The following TMPRSS15 variants were observed in gnomAD, a reference collection of about 807,000 sequenced individuals.
TMPRSS15 encodes enteropeptidase.
In TMPRSS15, 128 loss-of-function variants were observed where a neutral mutation model predicts 125.3. That is an observed-to-expected ratio of 1.02 (90% CI 0.89 to 1.18). The LOEUF (loss-of-function observed/expected upper bound fraction) is 1.18, where lower values mean the gene tolerates loss of function less well. TMPRSS15 is among the 50% of genes most tolerant of loss of function. The pLI is 0.00. For synonymous variants in TMPRSS15, 446 were observed against 423.2 expected (o/e 1.05, Z -0.66); for missense variants, 1,283 against 1,212.7 (o/e 1.06, Z -0.86).
At chr21:18,457,748 G>A (rs1978470082) in intron 1 of TMPRSS15, among the ~76,000 whole-genome samples, 1 of 152,052 alleles carries the variant, frequency 6.6e-6, no homozygotes, top group African/African-American at 2.4e-5. Flanking sequence ...CTACTTCTAG[G>A]GGATATTTGT....
At chr21:18,406,790 A>G (rs2076152994), upstream of TMPRSS15, among the ~76,000 whole-genome samples, 1 of 152,168 alleles carries the variant, frequency 6.6e-6, no homozygotes, top group Non-Finnish European at 1.5e-5. Flanking sequence ...TTCTCTTTCC[A>G]GTTAAATCTG....
At chr21:18,370,618 A>G (rs1601403606) in intron 6 of TMPRSS15, among the ~76,000 whole-genome samples, 1 of 152,296 alleles carries the variant, frequency 6.6e-6, no homozygotes, top group East Asian at 1.9e-4. Flanking sequence ...AAAATAGATT[A>G]AAAATATTCC....
chr21:18,278,060 G>C (rs935967571), intron 23 of TMPRSS15, among the ~76,000 whole-genome samples: 4 of 152,214 alleles, frequency 2.6e-5, no homozygotes, highest in Non-Finnish European at 5.9e-5. Flanking sequence ...TACAATGTAA[G>C]ATTCATGTCA....
chr21:18,326,672 A>T (rs935596622), intron 15 of TMPRSS15, 100 bp from the exon 16 acceptor site: 5 of 1,385,420 alleles, frequency 3.6e-6, no homozygotes, highest in Non-Finnish European at 5.1e-6. Context: ...GTAGGGCTAC[A>T]TGTTACATGG....
At chr21:18,358,892 C>G (rs921591017) in intron 8 of TMPRSS15, among the ~76,000 whole-genome samples, 1 of 151,972 alleles carries the variant, frequency 6.6e-6, no homozygotes, top group African/African-American at 2.4e-5. Flanking sequence ...ATAGGATTCA[C>G]TTTTCATTAC....
intron 10 of TMPRSS15, among the ~76,000 whole-genome samples, chr21:18,352,407 C>A (rs1345582388): frequency 6.6e-6 from 1 of 152,036 alleles, no homozygotes; most frequent in Non-Finnish European, 1.5e-5. Context: ...ATTATGCAAT[C>A]TTGTATGTTG....
At chr21:18,272,777 A>T (rs901579173) in intron 24 of TMPRSS15, among the ~76,000 whole-genome samples, 8 of 152,194 alleles carry the variant, frequency 5.3e-5, no homozygotes, top group Admixed American at 3.9e-4. Flanking sequence ...AAATATTTTT[A>T]AAAATATGCA....
chr21:18,443,703 T>C (rs1339082368), intron 1 of TMPRSS15, among the ~76,000 whole-genome samples: 1 of 152,178 alleles, frequency 6.6e-6, no homozygotes, highest in Non-Finnish European at 1.5e-5. Context: ...ACTGGCCCAA[T>C]AGTCCCACTT....
At chr21:18,437,294 C>G (rs2076230050) in intron 1 of TMPRSS15, among the ~76,000 whole-genome samples, 1 of 152,126 alleles carries the variant, frequency 6.6e-6, no homozygotes, top group South Asian at 2.1e-4. Context: ...GAAACTGGAT[C>G]CCTTCCTTAC....
intron 1 of TMPRSS15, among the ~76,000 whole-genome samples, chr21:18,476,337 A>G (rs554710312): frequency 1.3e-4 from 20 of 152,240 alleles, no homozygotes; most frequent in African/African-American, 4.8e-4. Flanking sequence ...TTGCAACCCT[A>G]GATTTTTTCC....
chr21:18,297,884 A>G (rs565434943), intron 18 of TMPRSS15, 55 bp from the exon 19 acceptor site: 6 of 1,375,246 alleles, frequency 4.4e-6, no homozygotes, highest in African/African-American at 2.9e-5. Flanking sequence ...AGAAAAGACC[A>G]TAAGTTAGAC....
chr21:18,272,452 G>A (rs967219271), intron 24 of TMPRSS15, among the ~76,000 whole-genome samples: 6 of 152,074 alleles, frequency 3.9e-5, no homozygotes, highest in Admixed American at 6.6e-5. Flanking sequence ...GACCCGGTGC[G>A]GTGGCTCACA....
chr21:18,327,688 C>G (rs537489207), intron 15 of TMPRSS15, among the ~76,000 whole-genome samples: 3 of 151,986 alleles, frequency 2.0e-5, no homozygotes, highest in East Asian at 3.9e-4. Flanking sequence ...TTTTACAATA[C>G]ATGATGAATA....
At position 18,326,666 on chromosome 21, in the gene TMPRSS15, G is replaced by T. The variant is rs995686049; in HGVS notation, c.1781-94C>A. On this transcript the variant is annotated intron_variant, in intron 15 of 24. Coordinates refer to ENST00000284885, the MANE Select transcript of TMPRSS15 (RefSeq NM_002772.3). ...TCTCAGTTCCCTCTGCCAGACGTAG[G>T]GCTACATGTTACATGGCTCGCTCAT... The T allele has an allele frequency of 2.7e-6, 4 of 1,459,358 alleles. No homozygotes were observed. The African/African-American group carries it at 5.6e-5, about 20-fold the overall frequency. The allele number at this position is 1,459,358 out of a possible 1,614,324, so 90.4% of individuals were successfully genotyped here.
At chr21:18,368,642 A>G (rs1414299808) in intron 6 of TMPRSS15, among the ~76,000 whole-genome samples, 1 of 152,202 alleles carries the variant, frequency 6.6e-6, no homozygotes, top group Non-Finnish European at 1.5e-5. Flanking sequence ...ATTGTTTATC[A>G]TAGTATTTAG....
At chr21:18,384,954 G>T (rs1393209242) in intron 3 of TMPRSS15, among the ~76,000 whole-genome samples, 1 of 152,080 alleles carries the variant, frequency 6.6e-6, no homozygotes, top group Non-Finnish European at 1.5e-5. Context: ...ATTCCTGAAA[G>T]ATCACAGTAG....
chr21:18,404,032 G>C (rs2076124903), upstream of TMPRSS15, among the ~76,000 whole-genome samples: 1 of 152,186 alleles, frequency 6.6e-6, no homozygotes, highest in African/African-American at 2.4e-5. Flanking sequence ...TTCATAGAGA[G>C]AGTTCCTAAC....
At chr21:18,452,227 G>A (rs1047921245) in intron 1 of TMPRSS15, among the ~76,000 whole-genome samples, 5 of 152,086 alleles carry the variant, frequency 3.3e-5, no homozygotes, top group Non-Finnish European at 7.4e-5. Context: ...GGGATTCCTT[G>A]AGTCTATAAT....
chr21:18,315,300 A>G (rs768116620), intron 16 of TMPRSS15, 44 bp from the exon 17 acceptor site: 1 of 1,502,706 alleles, frequency 6.7e-7, no homozygotes, highest in Non-Finnish European at 9.2e-7. Flanking sequence ...AGAAAACACA[A>G]ATGGATGATT....
Sources: gnomAD v4.1 joint callset for allele counts (sites outside exome capture counted in the v4.1 genomes callset) on GRCh38, gnomAD v4.1.1 for gene constraint, MANE v1.5 for transcripts, NCBI Gene and HGNC (gene_info 2026-07-23, HGNC 2026-07-21) for gene names.